Variants in SH3GL3 observed in about 807,000 individuals in gnomAD.
SH3GL3 encodes the protein endophilin-A3.
A neutral mutation model predicts 47.7 loss-of-function variants in SH3GL3; 33 were observed. The ratio of observed to expected loss-of-function variants is 0.69; its 90% CI spans 0.52 to 0.92. The LOEUF (loss-of-function observed/expected upper bound fraction) is 0.92. Among genes scored for constraint, SH3GL3 ranks in the 40% least tolerant of loss-of-function variants. The probability of loss-of-function intolerance (pLI) is 0.00; values close to 1 mark genes in which losing one functional copy is unlikely to be tolerated. For synonymous variants in SH3GL3, 155 were observed against 148.8 expected (o/e 1.04, Z -0.30); for missense variants, 363 against 417.8 (o/e 0.87, Z 1.14).
chr15:83,529,633 G>T (rs974542255), intron 1 of SH3GL3, among the ~76,000 whole-genome samples: 2 of 151,140 alleles, frequency 1.3e-5, no homozygotes, highest in African/African-American at 4.9e-5. Flanking sequence ...GCAGGCTGTG[G>T]TGGGACAATC....
intron 8 of SH3GL3, among the ~76,000 whole-genome samples, chr15:83,604,658 C>T (rs1319477184): frequency 1.3e-5 from 2 of 152,114 alleles, no homozygotes; most frequent in Middle Eastern, 3.2e-3. Flanking sequence ...CACTTATTGG[C>T]TACTTACTAT....
At chr15:83,595,951 A>C (rs547910535) in intron 8 of SH3GL3, among the ~76,000 whole-genome samples, 1 of 152,072 alleles carries the variant, frequency 6.6e-6, no homozygotes, top group Non-Finnish European at 1.5e-5. Context: ...TCTCTGTCTC[A>C]TTGAGTTTTC....
downstream of SH3GL3, among the ~76,000 whole-genome samples, chr15:83,621,482 C>T (rs1328273298): frequency 6.6e-6 from 1 of 152,162 alleles, no homozygotes; most frequent in African/African-American, 2.4e-5. Context: ...ATTTATCAGT[C>T]AGGTTCACCA....
intron 1 of SH3GL3, among the ~76,000 whole-genome samples, chr15:83,495,130 TG>T (rs948119238): frequency 2.0e-5 from 3 of 152,274 alleles, no homozygotes; most frequent in African/African-American, 7.2e-5. Flanking sequence ...GTGGCACCTG[TG>T]TCTTCCTGTG....
At chr15:83,584,653 G>A (rs1342577422) in intron 6 of SH3GL3, among the ~76,000 whole-genome samples, 1 of 152,196 alleles carries the variant, frequency 6.6e-6, no homozygotes, top group East Asian at 1.9e-4. Flanking sequence ...ATCTGTAGGA[G>A]CTAGAGTGCT....
intron 1 of SH3GL3, among the ~76,000 whole-genome samples, chr15:83,524,638 A>G (rs1054177019): frequency 6.6e-6 from 1 of 151,898 alleles, no homozygotes; most frequent in Non-Finnish European, 1.5e-5. Context: ...GTTTGCACTC[A>G]TTAGCTAACC....
At chr15:83,587,835 G>A (rs2059994444) in intron 7 of SH3GL3, among the ~76,000 whole-genome samples, 1 of 152,108 alleles carries the variant, frequency 6.6e-6, no homozygotes, top group African/African-American at 2.4e-5. Context: ...ACAGAAAATT[G>A]TTTTACACAG....
intron 6 of SH3GL3, among the ~76,000 whole-genome samples, chr15:83,578,838 A>G (rs1307116482): frequency 6.6e-6 from 1 of 152,132 alleles, no homozygotes; most frequent in African/African-American, 2.4e-5. Context: ...GAAGTGTGAC[A>G]TGTATCAGAT....
intron 1 of SH3GL3, among the ~76,000 whole-genome samples, chr15:83,521,085 ATATT>A (rs1174831541): frequency 6.6e-6 from 1 of 152,156 alleles, no homozygotes; most frequent in Admixed American, 6.5e-5. Flanking sequence ...CCTCTTACTG[ATATT>A]TATTCTTCCC....
intron 1 of SH3GL3, among the ~76,000 whole-genome samples, chr15:83,491,468 A>AAGTGGTATAAGATTT (rs1451865472): frequency 6.6e-6 from 1 of 152,116 alleles, no homozygotes; most frequent in Non-Finnish European, 1.5e-5. Flanking sequence ...TTTTCTTGTG[A>AAGTGGTATAAGATTT]AGTGGTATGG....
At chr15:83,499,583 T>G (rs957354151) in intron 1 of SH3GL3, among the ~76,000 whole-genome samples, 1 of 152,172 alleles carries the variant, frequency 6.6e-6, no homozygotes, top group African/African-American at 2.4e-5. Flanking sequence ...CCAAATCTGA[T>G]CAAAGAAACA....
At chr15:83,616,226 A>C (rs1596359105) in intron 8 of SH3GL3, among the ~76,000 whole-genome samples, 1 of 151,646 alleles carries the variant, frequency 6.6e-6, no homozygotes, top group East Asian at 1.9e-4. Context: ...TTTGCCACTA[A>C]AAGTAATGGT....
At chr15:83,526,645 C>A (rs1806729012) in intron 1 of SH3GL3, among the ~76,000 whole-genome samples, 1 of 152,060 alleles carries the variant, frequency 6.6e-6, no homozygotes, top group Admixed American at 6.6e-5. Flanking sequence ...AGGGGAACAG[C>A]AGACACTGGG....
intron 1 of SH3GL3, among the ~76,000 whole-genome samples, chr15:83,521,708 C>G (rs2043212290): frequency 6.6e-6 from 1 of 152,108 alleles, no homozygotes; most frequent in African/African-American, 2.4e-5. Flanking sequence ...AGAGTCTAAG[C>G]AGCAAACCGT....
At chr15:83,456,093 T>A (rs1419939841) in intron 1 of SH3GL3, among the ~76,000 whole-genome samples, 1 of 91,818 alleles carries the variant, frequency 1.1e-5, no homozygotes, top group African/African-American at 3.7e-5. Context: ...GTGCCCCTGA[T>A]GGGGGGTGCC....
intron 8 of SH3GL3, chr15:83,609,520 G>A (rs2060609783): frequency 3.0e-6 from 1 of 336,174 alleles, no homozygotes; most frequent in African/African-American, 2.2e-5. Flanking sequence ...GACTTATGTT[G>A]ACAGCGTTGT....
At chr15:83,532,378 G>A (rs2043715819) in intron 1 of SH3GL3, among the ~76,000 whole-genome samples, 1 of 152,174 alleles carries the variant, frequency 6.6e-6, no homozygotes, top group African/African-American at 2.4e-5. Context: ...GAAGGCCAAG[G>A]TTGTAACACT....
chr15:83,539,790 GGTTAT>G (rs1238002416), intron 1 of SH3GL3, among the ~76,000 whole-genome samples: 6 of 151,928 alleles, frequency 3.9e-5, no homozygotes, highest in African/African-American at 1.4e-4. Flanking sequence ...TCTATCCTAG[GGTTAT>G]GTTATCTTGT....
intron 1 of SH3GL3, among the ~76,000 whole-genome samples, chr15:83,478,986 A>G (rs941859681): frequency 4.6e-5 from 7 of 152,072 alleles, no homozygotes; most frequent in African/African-American, 1.4e-4. Flanking sequence ...TCCTCTTTCT[A>G]CTCTTCTCTG....
Sources: gnomAD v4.1 joint callset for allele counts (sites outside exome capture counted in the v4.1 genomes callset) on GRCh38, gnomAD v4.1.1 for gene constraint, MANE v1.5 for transcripts, NCBI Gene and HGNC (gene_info 2026-07-23, HGNC 2026-07-21) for gene names.